The following PATJ variants were observed in gnomAD, a reference collection of about 807,000 sequenced individuals.
PATJ encodes the protein inaD-like protein.
In PATJ, 190 loss-of-function variants were observed where a neutral mutation model predicts 224.9. The observed-to-expected ratio is 0.84, with a 90% CI of 0.75 to 0.95. PATJ has a LOEUF of 0.95. Ranked by LOEUF, PATJ falls within the 40% of genes least tolerant of loss-of-function variation. The probability of loss-of-function intolerance (pLI) is 0.00; values close to 1 mark genes in which losing one functional copy is unlikely to be tolerated. For missense variants in PATJ, 2,121 were observed against 2,270.3 expected, an observed-to-expected ratio of 0.93 and a Z score of 1.34; for synonymous variants, 769 against 820.3, an observed-to-expected ratio of 0.94 and a Z score of 1.07.
intron 31 of PATJ, among the ~76,000 whole-genome samples, chr1:62,060,669 A>T (rs1655274392): frequency 6.6e-6 from 1 of 151,768 alleles, no homozygotes; most frequent in African/African-American, 2.4e-5. Context: ...ATGTAAGTAA[A>T]TCTCTCTATA....
At chr1:61,790,506 C>CTTTTT (rs1255469790) in intron 8 of PATJ, among the ~76,000 whole-genome samples, 3 of 105,524 alleles carry the variant, frequency 2.8e-5, no homozygotes, top group South Asian at 7.8e-4. Context: ...TTTTCTTCTT[C>CTTTTT]TTTTTTTTGT....
At chr1:62,039,631 G>A (rs920752248) in intron 30 of PATJ, among the ~76,000 whole-genome samples, 7 of 152,206 alleles carry the variant, frequency 4.6e-5, no homozygotes, top group African/African-American at 7.2e-5. Context: ...GGCTACTTGT[G>A]TAGCCGAAAC....
intron 26 of PATJ, among the ~76,000 whole-genome samples, chr1:61,915,820 C>T (rs1279143997): frequency 6.6e-6 from 1 of 151,950 alleles, no homozygotes; most frequent in East Asian, 1.9e-4. Flanking sequence ...CCTCAGCCTC[C>T]CAAGTTGCTG....
chr1:61,886,337 C>T (rs577426624), intron 22 of PATJ, among the ~76,000 whole-genome samples: 11 of 152,274 alleles, frequency 7.2e-5, no homozygotes, highest in African/African-American at 2.2e-4. Flanking sequence ...AGTGTCCTCA[C>T]AGGCTATGTT....
intron 21 of PATJ, among the ~76,000 whole-genome samples, chr1:61,876,415 C>T (rs1416529359): frequency 6.6e-6 from 1 of 152,096 alleles, no homozygotes; most frequent in African/African-American, 2.4e-5. Flanking sequence ...TCTTATAGTT[C>T]TCTATTAAAT....
intron 31 of PATJ, among the ~76,000 whole-genome samples, chr1:62,054,035 G>C (rs988468837): frequency 6.6e-6 from 1 of 152,094 alleles, no homozygotes; most frequent in African/African-American, 2.4e-5. Flanking sequence ...CAAAATGTTG[G>C]ATTGAATCAT....
intron 21 of PATJ, 72 bp downstream of exon 21, chr1:61,875,438 A>G (rs74376374): frequency 2.0e-5 from 24 of 1,202,870 alleles, no homozygotes; most frequent in African/African-American, 1.1e-4. Flanking sequence ...GTTTGTATAC[A>G]TGAATTTCAC....
chr1:61,871,729 A>G (rs917647004), intron 20 of PATJ, among the ~76,000 whole-genome samples: 3 of 150,726 alleles, frequency 2.0e-5, no homozygotes, highest in African/African-American at 7.3e-5. Flanking sequence ...CGCCCAGCTA[A>G]TTTTTGCATT....
intron 24 of PATJ, among the ~76,000 whole-genome samples, chr1:61,905,767 A>G (rs943889539): frequency 5.9e-5 from 9 of 152,098 alleles, no homozygotes; most frequent in Admixed American, 2.0e-4. Flanking sequence ...CTTTACTCTC[A>G]CACTCAAAAC....
rs1648901894 is a variant in PATJ, at chr1:61,787,902, C to T, written c.998C>T (p.Ser333Leu). 1 of 1,614,116 alleles carries T rather than the reference C, an allele frequency of 6.2e-7. No individual in the cohort carries two copies. Among genetic ancestry groups the T allele is most frequent in the Non-Finnish European group, 8.5e-7 (1 of 1,180,008 alleles). Residue 333 changes from serine to leucine, a missense_variant, in exon 8 of 44, where the codon TCA becomes TTA. Transcript: ENST00000642238. ...LVARDPAGDISVTPPAPAALP... is the reference protein window; with the variant it reads ...LVARDPAGDILVTPPAPAALP... Reference sequence around the variant, plus strand: ...GCTAGAGATCCAGCTGGTGACATTTCAGTCACCCCCCCTGCCCCTGCAGCC... The same window carrying T: ...GCTAGAGATCCAGCTGGTGACATTTTAGTCACCCCCCCTGCCCCTGCAGCC...
chr1:62,042,786 A>G (rs1001357738), intron 30 of PATJ, among the ~76,000 whole-genome samples: 8 of 152,142 alleles, frequency 5.3e-5, no homozygotes, highest in African/African-American at 1.9e-4. Flanking sequence ...AGCTGGGACT[A>G]TAGGCACGTA....
intron 43 of PATJ, among the ~76,000 whole-genome samples, chr1:62,157,746 G>T (rs1315228826): frequency 7.0e-6 from 1 of 143,466 alleles, no homozygotes; most frequent in East Asian, 2.0e-4. Context: ...CAGGAGAAAG[G>T]CTTGAACCTG....
intron 27 of PATJ, among the ~76,000 whole-genome samples, chr1:61,950,273 T>G (rs925197773): frequency 6.6e-6 from 1 of 152,222 alleles, no homozygotes; most frequent in Non-Finnish European, 1.5e-5. Context: ...AGTGATGGCG[T>G]TTGAGAACCT....
At chr1:62,007,975 A>G (rs1314800533) in intron 28 of PATJ, among the ~76,000 whole-genome samples, 2 of 152,186 alleles carry the variant, frequency 1.3e-5, no homozygotes, top group African/African-American at 2.4e-5. Context: ...AGTAGAATCT[A>G]TTGTAATGGT....
At chr1:62,066,557 C>T (rs150694698) in intron 31 of PATJ, among the ~76,000 whole-genome samples, 1 of 151,954 alleles carries the variant, frequency 6.6e-6, no homozygotes, top group Admixed American at 6.6e-5. Flanking sequence ...CCTGTGGGAA[C>T]TTTGCTAATG....
intron 16 of PATJ, 76 bp from the exon 17 acceptor site, chr1:61,833,578 A>G: frequency 7.3e-7 from 1 of 1,368,528 alleles, no homozygotes; most frequent in South Asian, 1.5e-5. Flanking sequence ...AGAAGCTGTG[A>G]GATTCTTGAT....
chr1:62,077,004 T>C (rs1312678029), intron 31 of PATJ, among the ~76,000 whole-genome samples: 1 of 152,198 alleles, frequency 6.6e-6, no homozygotes, highest in Non-Finnish European at 1.5e-5. Context: ...CAAGCACCTC[T>C]TATCTGATTA....
Position 62,052,439 on chromosome 1 carries a change from T to G in PATJ, c.4125+1381T>G, listed in dbSNP as rs1444143093. On this transcript the variant is annotated intron_variant, in intron 31 of 43. Coordinates refer to ENST00000642238, the MANE Select transcript of PATJ (RefSeq NM_001350145.3). ...AGCAGTTTATTTACCAGAGATTGAC[T>G]AAAAAAAAAAAAAAAAAAATGACCG... Among the ~76,000 whole-genome samples, 47 of 111,482 alleles carry G rather than the reference T, an allele frequency of 4.2e-4. 1 individual carries two copies. In the East Asian group the frequency reaches 0.013, roughly 30 times the overall value. 73.1% of individuals were successfully genotyped at this position (111,482 alleles called of 152,430 possible).
intron 1 of PATJ, among the ~76,000 whole-genome samples, chr1:61,751,395 T>C (rs1645318103): frequency 6.6e-6 from 1 of 152,120 alleles, no homozygotes. Context: ...AAACTAATCA[T>C]TAGTGAATAG....
Sources: gnomAD v4.1 joint callset for allele counts (sites outside exome capture counted in the v4.1 genomes callset) on GRCh38, gnomAD v4.1.1 for gene constraint, MANE v1.5 for transcripts, NCBI Gene and HGNC (gene_info 2026-07-23, HGNC 2026-07-21) for gene names.